The following ADGRL3 variants were observed in gnomAD, a reference collection of about 807,000 sequenced individuals.
ADGRL3 encodes adhesion G protein-coupled receptor L3.
ADGRL3 carries 62 observed loss-of-function variants against 153.5 expected under a neutral mutation model. That is an observed-to-expected ratio of 0.40 (90% CI 0.33 to 0.50). The LOEUF (loss-of-function observed/expected upper bound fraction) is 0.50. ADGRL3 is among the 20% of genes least tolerant of loss of function. ADGRL3 has a pLI of 0.47. For missense variants in ADGRL3, 1,641 were observed against 1,859.4 expected (o/e 0.88, Z 2.16); for synonymous variants, 710 against 672.5 (o/e 1.06, Z -0.86).
At chr4:61,882,462 A>G (rs898176625) in intron 9 of ADGRL3, among the ~76,000 whole-genome samples, 4 of 152,082 alleles carry the variant, frequency 2.6e-5, no homozygotes, top group African/African-American at 9.7e-5. Flanking sequence ...CCATTCAGTC[A>G]CTCTTCAACA....
At chr4:61,988,405 C>T (rs994831093) in intron 19 of ADGRL3, among the ~76,000 whole-genome samples, 1 of 151,998 alleles carries the variant, frequency 6.6e-6, no homozygotes, top group Non-Finnish European at 1.5e-5. Context: ...TTTCATTTAT[C>T]TCTTTCTTAT....
At chr4:61,421,328 C>G (rs1311458171) in intron 2 of ADGRL3, among the ~76,000 whole-genome samples, 1 of 151,454 alleles carries the variant, frequency 6.6e-6, no homozygotes, top group South Asian at 2.1e-4. Context: ...AGCAAGACTT[C>G]GTCTCAAAAA....
chr4:61,783,784 TAAAC>T (rs967700460), intron 8 of ADGRL3, among the ~76,000 whole-genome samples: 8 of 152,052 alleles, frequency 5.3e-5, no homozygotes, highest in African/African-American at 1.4e-4. Context: ...TAATAAATCT[TAAAC>T]AAAATAATAT....
At chr4:61,227,470 A>G (rs1748515131) in intron 1 of ADGRL3, among the ~76,000 whole-genome samples, 1 of 152,094 alleles carries the variant, frequency 6.6e-6, no homozygotes, top group African/African-American at 2.4e-5. Context: ...CGGCCTCCCA[A>G]AGTGCTGGGA....
At chr4:61,481,770 T>C (rs1293959843) in intron 2 of ADGRL3, among the ~76,000 whole-genome samples, 1 of 152,096 alleles carries the variant, frequency 6.6e-6, no homozygotes, top group Non-Finnish European at 1.5e-5. Flanking sequence ...GCCACTATTT[T>C]ATCTAGTTGA....
intron 1 of ADGRL3, among the ~76,000 whole-genome samples, chr4:61,365,921 T>A (rs2096386898): frequency 6.6e-6 from 1 of 152,184 alleles, no homozygotes; most frequent in South Asian, 2.1e-4. Flanking sequence ...AGGAAAGATA[T>A]TTATGGGGTT....
rs2096970718 is a variant in ADGRL3 at position 61,404,607 on chromosome 4, G to A, written c.-174+21418G>A. 5.9e-5 allele frequency among the ~76,000 whole-genome samples: 9 copies of A among 152,144 alleles called. 1 individual carries two copies. The South Asian group carries it at 1.9e-3, about 32-fold the overall frequency. ...TACCTCAGGTGGGTGTGACTGCTGA[G>A]AAGTGAGAACACTCTTTAAATATGT... On this transcript the variant is annotated intron_variant, in intron 2 of 26. Transcript: ENST00000683033.
chr4:61,775,480 A>G, intron 8 of ADGRL3: 2 of 741,054 alleles, frequency 2.7e-6, no homozygotes, highest in Non-Finnish European at 4.9e-6. Context: ...CTCTTCGATG[A>G]CATCCTTGGC....
chr4:61,481,042 C>A (rs1388498371), intron 2 of ADGRL3, among the ~76,000 whole-genome samples: 1 of 152,084 alleles, frequency 6.6e-6, no homozygotes, highest in African/African-American at 2.4e-5. Context: ...ATGTACTTAA[C>A]ACACCCCTAG....
At chr4:61,610,714 C>G (rs1369668097) in intron 5 of ADGRL3, among the ~76,000 whole-genome samples, 1 of 152,038 alleles carries the variant, frequency 6.6e-6, no homozygotes, top group East Asian at 1.9e-4. Flanking sequence ...AACATATTAT[C>G]TGCTTGTCGG....
rs529537928 is a variant in ADGRL3, at chr4:61,693,658, A to G, written c.583+16723A>G. ...ATTGATGTTTTGTGATACTTTGGTC[A>G]GTCAATAAGGTTAAAAAGATAAAGT... On this transcript the variant is annotated intron_variant, in intron 6 of 26. Coordinates refer to ENST00000683033, the MANE Select transcript of ADGRL3 (RefSeq NM_001387552.1). 2.0e-5 allele frequency among the ~76,000 whole-genome samples: 3 copies of G among 152,326 alleles called. No individual in the cohort carries two copies. The East Asian group carries it at 5.8e-4, about 29-fold the overall frequency.
intron 6 of ADGRL3, among the ~76,000 whole-genome samples, chr4:61,727,175 A>C (rs1480502300): frequency 2.0e-5 from 3 of 151,998 alleles, no homozygotes; most frequent in African/African-American, 7.2e-5. Flanking sequence ...TATTTTATAA[A>C]CTCTTGGGAA....
At chr4:61,703,847 C>A (rs530736100) in intron 6 of ADGRL3, among the ~76,000 whole-genome samples, 2 of 145,342 alleles carry the variant, frequency 1.4e-5, no homozygotes, top group Admixed American at 6.9e-5. Flanking sequence ...TTATTTTAGT[C>A]TTTTTTTTTT....
At chr4:61,229,844 C>T (rs1749784448) in intron 1 of ADGRL3, among the ~76,000 whole-genome samples, 1 of 151,752 alleles carries the variant, frequency 6.6e-6, no homozygotes, top group African/African-American at 2.4e-5. Flanking sequence ...GAACTTGAAG[C>T]TGCAGTGAGC....
chr4:61,842,437 A>G (rs2098047100), intron 9 of ADGRL3, among the ~76,000 whole-genome samples: 1 of 152,144 alleles, frequency 6.6e-6, no homozygotes, highest in African/African-American at 2.4e-5. Flanking sequence ...AAAAGGACTA[A>G]ATTCTTCATC....
At chr4:61,391,342 G>T (rs748088163) in intron 2 of ADGRL3, among the ~76,000 whole-genome samples, 2 of 152,066 alleles carry the variant, frequency 1.3e-5, no homozygotes, top group Non-Finnish European at 2.9e-5. Context: ...CAGATCTCAC[G>T]TGAACTCAGA....
At chr4:62,044,719 T>A (rs948662313) in intron 25 of ADGRL3, among the ~76,000 whole-genome samples, 170 bp downstream of exon 25, 1 of 152,048 alleles carries the variant, frequency 6.6e-6, no homozygotes, top group South Asian at 2.1e-4. Context: ...TAAGCTACTT[T>A]AAAAAAATCC....
At chr4:62,068,086 C>T in intron 25 of ADGRL3, 80 bp from the exon 26 acceptor site, 1 of 950,896 alleles carries the variant, frequency 1.1e-6, no homozygotes, top group Non-Finnish European at 1.5e-6. Flanking sequence ...CATCAATTTG[C>T]TTTTTACTCA....
At chr4:61,382,677 G>A (rs957046956) in intron 1 of ADGRL3, among the ~76,000 whole-genome samples, 8 of 151,824 alleles carry the variant, frequency 5.3e-5, no homozygotes, top group African/African-American at 1.9e-4. Flanking sequence ...GTGTGTGTAT[G>A]TATATGTGTA....
Sources: allele counts gnomAD v4.1 joint callset (sites outside exome capture counted in the v4.1 genomes callset), GRCh38; gene constraint gnomAD v4.1.1; transcripts MANE v1.5; gene names NCBI Gene and HGNC (gene_info 2026-07-23, HGNC 2026-07-21).